Variants in PARVB observed in about 807,000 individuals in gnomAD.
PARVB encodes the protein beta-parvin.
Under a neutral mutation model 47.0 loss-of-function variants are expected in PARVB, and 46 were observed. The observed-to-expected ratio is 0.98, with a 90% CI of 0.77 to 1.25. The LOEUF (loss-of-function observed/expected upper bound fraction) is 1.25, where lower values mean the gene tolerates loss of function less well. Ranked by LOEUF, PARVB falls within the 50% of genes most tolerant of loss-of-function variation. The probability of loss-of-function intolerance (pLI) is 0.00; values close to 1 mark genes in which losing one functional copy is unlikely to be tolerated. For synonymous variants in PARVB, 196 were observed against 196.3 expected (o/e 1.00, Z 0.01); for missense variants, 473 against 471.6 (o/e 1.00, Z -0.03).
intron 4 of PARVB, among the ~76,000 whole-genome samples, chr22:44,124,737 C>A (rs939071467): frequency 6.6e-6 from 1 of 151,982 alleles, no homozygotes; most frequent in African/African-American, 2.4e-5. Flanking sequence ...CCCCATGGGC[C>A]ATCCTGGAGG....
intron 1 of PARVB, among the ~76,000 whole-genome samples, chr22:44,028,878 A>G (rs980214217): frequency 7.9e-5 from 12 of 152,210 alleles, no homozygotes; most frequent in African/African-American, 2.9e-4. Flanking sequence ...CATTTCCCTG[A>G]TGAGGTATGA....
At chr22:44,045,648 C>A (rs1331822177) in intron 1 of PARVB, among the ~76,000 whole-genome samples, 2 of 152,188 alleles carry the variant, frequency 1.3e-5, no homozygotes, top group African/African-American at 4.8e-5. Context: ...GGGACTCTCC[C>A]ATCACTCTTG....
intron 4 of PARVB, among the ~76,000 whole-genome samples, chr22:44,130,166 T>C (rs2053278547): frequency 6.6e-6 from 1 of 152,226 alleles, no homozygotes; most frequent in Non-Finnish European, 1.5e-5. Flanking sequence ...CATGATGGCA[T>C]GTCAATGCCG....
At chr22:44,039,661 A>T (rs1205637850) in intron 1 of PARVB, among the ~76,000 whole-genome samples, 1 of 152,188 alleles carries the variant, frequency 6.6e-6, no homozygotes, top group Non-Finnish European at 1.5e-5. Context: ...CAGTAGGTGA[A>T]TGGATACACG....
intron 4 of PARVB, among the ~76,000 whole-genome samples, chr22:44,119,422 T>C (rs1008799425): frequency 6.6e-6 from 1 of 152,206 alleles, no homozygotes; most frequent in African/African-American, 2.4e-5. Context: ...TCAGGCCCAC[T>C]TTGTGTCCCT....
intron 1 of PARVB, among the ~76,000 whole-genome samples, chr22:44,046,629 A>G (rs562699215): frequency 6.6e-6 from 1 of 152,344 alleles, no homozygotes; most frequent in South Asian, 2.1e-4. Context: ...GGCCCCGATG[A>G]CATGTTATCT....
At chr22:44,163,632 T>A (rs2054099124) in intron 11 of PARVB, among the ~76,000 whole-genome samples, 1 of 152,158 alleles carries the variant, frequency 6.6e-6, no homozygotes, top group African/African-American at 2.4e-5. Flanking sequence ...TCAGCCCAGA[T>A]CACTGGTGTG....
At chr22:44,124,294 G>A (rs561897299) in intron 4 of PARVB, among the ~76,000 whole-genome samples, 2 of 152,274 alleles carry the variant, frequency 1.3e-5, no homozygotes, top group Non-Finnish European at 2.9e-5. Flanking sequence ...TGCCTGTGAC[G>A]GTGGCCTCAA....
At chr22:44,104,375 CGT>C (rs1352127288) in intron 3 of PARVB, 1 of 152,278 alleles carries the variant, frequency 6.6e-6, no homozygotes, top group East Asian at 1.9e-4. Flanking sequence ...CTGTCGGTGG[CGT>C]GTTAGTTACT....
intron 1 of PARVB, among the ~76,000 whole-genome samples, chr22:44,072,910 C>G (rs2051686255): frequency 6.6e-6 from 1 of 151,256 alleles, no homozygotes; most frequent in South Asian, 2.1e-4. Context: ...TCCTTCAAGA[C>G]TCAGCTCCAG....
At chr22:44,054,481 G>A (rs2051266801) in intron 1 of PARVB, among the ~76,000 whole-genome samples, 2 of 152,074 alleles carry the variant, frequency 1.3e-5, no homozygotes, top group Admixed American at 1.3e-4. Flanking sequence ...CTCCCAAAGT[G>A]CTCAGATTAC....
At chr22:44,107,784 G>T (rs1259684157) in intron 3 of PARVB, 1 of 152,188 alleles carries the variant, frequency 6.6e-6, no homozygotes, top group Non-Finnish European at 1.5e-5. Context: ...GTGCTGGAGG[G>T]GGACACGCAG....
At chr22:44,138,515 C>T (rs963462958) in intron 7 of PARVB, among the ~76,000 whole-genome samples, 2 of 152,204 alleles carry the variant, frequency 1.3e-5, no homozygotes, top group Admixed American at 1.3e-4. Context: ...ATCCTTGTCT[C>T]CTGTTCCTTC....
At chr22:44,118,028 A>T (rs1481057624) in intron 3 of PARVB, among the ~76,000 whole-genome samples, 1 of 152,194 alleles carries the variant, frequency 6.6e-6, no homozygotes, top group East Asian at 1.9e-4. Flanking sequence ...AACTGAATGG[A>T]AAATCTCTTG....
intron 1 of PARVB, among the ~76,000 whole-genome samples, chr22:44,081,158 G>T (rs1337272087): frequency 6.6e-6 from 1 of 152,196 alleles, no homozygotes; most frequent in Non-Finnish European, 1.5e-5. Context: ...GGGTAGAGTT[G>T]TCTGTGCCCG....
chr22:44,127,564 G>T (rs1015062188), intron 4 of PARVB, among the ~76,000 whole-genome samples: 3 of 152,208 alleles, frequency 2.0e-5, no homozygotes, highest in Non-Finnish European at 4.4e-5. Flanking sequence ...GTAGAGAAGA[G>T]GTCTGAGGAC....
At position 44,016,610 on chromosome 22, in the gene PARVB, C is replaced by T. The variant is rs1326106003; in HGVS notation, c.211+16937C>T. On this transcript the variant is annotated intron_variant, in intron 2 of 13. Coordinates refer to the PARVB transcript ENST00000406477. The stretch of plus-strand genomic sequence containing the variant: ...CACAGAGTCTGAAGGTAATTTTATA[C>T]AATATTTTAAATAATTTTGTGCGTG... 3.3e-5 allele frequency among the ~76,000 whole-genome samples: 5 copies of T among 152,142 alleles called. No homozygotes were observed. The East Asian group carries it at 5.8e-4, about 18-fold the overall frequency.
At position 44,148,404 on chromosome 22, in the gene PARVB, G is replaced by A. The variant is rs114346934; in HGVS notation, c.774+482G>A. On this transcript the variant is annotated intron_variant, in intron 9 of 12. Transcript: ENST00000338758. ...TCAATCTGTGGATGGAAAAATCTCC[G>A]AGGCTCTGGAGTTGGGGGCTGGGTG... 317 of 194,072 alleles carry A rather than the reference G, an allele frequency of 1.6e-3. 3 individuals are homozygous for A. Among genetic ancestry groups the A allele is most frequent in the African/African-American group, 6.8e-3 (295 of 43,286 alleles). The allele number at this position is 194,072 out of a possible 1,614,324, so 12.0% of individuals were successfully genotyped here.
Position 44,070,853 on chromosome 22 carries a change from C to T in PARVB, c.113-23075C>T, listed in dbSNP as rs575461040. On this transcript the variant is annotated intron_variant, in intron 1 of 12. Coordinates refer to ENST00000338758, the MANE Select transcript of PARVB (RefSeq NM_013327.5). The stretch of plus-strand genomic sequence containing the variant: ...ACTTTGCTCACCTTGCTGTTTCTAA[C>T]CAAGGTACCAGATTCTCTTCACTCA... Among the ~76,000 whole-genome samples, 14 of 152,246 alleles carry T rather than the reference C, an allele frequency of 9.2e-5. No homozygotes were observed. The South Asian group carries it at 2.9e-3, about 32-fold the overall frequency.
Sources: gnomAD v4.1 joint callset for allele counts (sites outside exome capture counted in the v4.1 genomes callset) on GRCh38, gnomAD v4.1.1 for gene constraint, MANE v1.5 for transcripts, NCBI Gene and HGNC (gene_info 2026-07-23, HGNC 2026-07-21) for gene names.